FUT8: variants seen among roughly 807,000 people sequenced by gnomAD.
FUT8 encodes alpha-(1,6)-fucosyltransferase.
In FUT8, 29 loss-of-function variants were observed where a neutral mutation model predicts 71.3. The ratio of observed to expected loss-of-function variants is 0.41; its 90% CI spans 0.30 to 0.55. The LOEUF is 0.55. Among genes scored for constraint, FUT8 ranks in the 20% least tolerant of loss-of-function variants. The pLI is 0.34. For missense variants in FUT8, 544 were observed against 702.1 expected (o/e 0.77, Z 2.55); for synonymous variants, 254 against 239.3 (o/e 1.06, Z -0.57).
At chr14:65,613,156 A>G (rs970918903) in intron 3 of FUT8, among the ~76,000 whole-genome samples, 3 of 152,156 alleles carry the variant, frequency 2.0e-5, no homozygotes, top group Non-Finnish European at 4.4e-5. Context: ...TGAAAAGATC[A>G]CATGCTATTT....
At chr14:65,710,630 T>A (rs1224403810) in intron 7 of FUT8, among the ~76,000 whole-genome samples, 1 of 152,124 alleles carries the variant, frequency 6.6e-6, no homozygotes, top group Non-Finnish European at 1.5e-5. Flanking sequence ...TGCAGTCTAG[T>A]CTGGATGAGG....
rs74058557 is a variant in FUT8, at chr14:65,678,481, C to G, written c.835+9001C>G. On this transcript the variant is annotated intron_variant, in intron 7 of 10. Transcript: ENST00000673929. ...GTTGCCTTCTTAGCTAGAGCCATCG[C>G]TGACCCCAGTCAGAGAGCTCTCCTG... is the stretch of plus-strand genomic sequence containing the variant. Among the ~76,000 whole-genome samples the G allele has an allele frequency of 7.8e-3, 1,188 of 152,332 alleles. 9 individuals are homozygous for G. Among genetic ancestry groups the G allele is most frequent in the African/African-American group, 0.024 (986 of 41,578 alleles).
At chr14:65,729,034 G>GTTTTTTTTTT (rs557668131) in intron 9 of FUT8, among the ~76,000 whole-genome samples, 8 of 103,662 alleles carry the variant, frequency 7.7e-5, no homozygotes, top group East Asian at 2.9e-4. Flanking sequence ...TTGTAAACAT[G>GTTTTTTTTTT]TTTTTTTTTT....
intron 3 of FUT8, among the ~76,000 whole-genome samples, chr14:65,611,867 G>A (rs561453163): frequency 2.0e-5 from 3 of 152,120 alleles, no homozygotes; most frequent in East Asian, 3.9e-4. Context: ...CACCATGTTG[G>A]CCAGGCTGGT....
At position 65,451,998 on chromosome 14, in the gene FUT8, C is replaced by T. The variant is rs528459521; in HGVS notation, c.-325-3623C>T. On this transcript the variant is annotated intron_variant, in intron 1 of 10. Transcript: ENST00000673929. The stretch of plus-strand genomic sequence containing the variant: ...TTTTTGGCTTGAGGGTGAGGTTATG[C>T]TGGGGACCCACCATTTTCTGCCTAG... Among the ~76,000 whole-genome samples, 3 of 152,270 alleles carry T rather than the reference C, an allele frequency of 2.0e-5. No individual in the cohort carries two copies. The South Asian group carries it at 6.2e-4, about 32-fold the overall frequency.
chr14:65,516,569 A>G (rs1882720829), intron 2 of FUT8, among the ~76,000 whole-genome samples: 1 of 152,176 alleles, frequency 6.6e-6, no homozygotes, highest in Admixed American at 6.5e-5. Context: ...TCAGGAAACC[A>G]GATACTTAAA....
intron 7 of FUT8, among the ~76,000 whole-genome samples, chr14:65,688,335 A>G (rs1376580215): frequency 1.3e-5 from 2 of 152,014 alleles, no homozygotes; most frequent in East Asian, 3.8e-4. Context: ...TATAGTTGGA[A>G]TCATACATTA....
intron 1 of FUT8, among the ~76,000 whole-genome samples, chr14:65,414,786 G>A (rs1214856165): frequency 1.3e-5 from 2 of 152,148 alleles, no homozygotes; most frequent in Non-Finnish European, 2.9e-5. Flanking sequence ...AATGAAACTT[G>A]CATAGATTGC....
chr14:65,495,592 T>C (rs1254683235), intron 2 of FUT8, among the ~76,000 whole-genome samples: 1 of 152,180 alleles, frequency 6.6e-6, no homozygotes, highest in Non-Finnish European at 1.5e-5. Context: ...ATCTTAGCTA[T>C]TTGTAGGGTT....
the FUT8 span, among the ~76,000 whole-genome samples, chr14:65,367,146 C>T: frequency 3.3e-5 from 5 of 152,268 alleles, no homozygotes; most frequent in South Asian, 1.0e-3. Flanking sequence ...AGACTCGTTT[C>T]TACATTACAG....
intron 1 of FUT8, among the ~76,000 whole-genome samples, chr14:65,453,432 G>A (rs1205933122): frequency 6.6e-6 from 1 of 152,082 alleles, no homozygotes; most frequent in Non-Finnish European, 1.5e-5. Context: ...CACTACTGAG[G>A]CAAAACCCTT....
chr14:65,373,715 T>C, the FUT8 span, among the ~76,000 whole-genome samples: 1 of 152,184 alleles, frequency 6.6e-6, no homozygotes, highest in African/African-American at 2.4e-5. Flanking sequence ...GGGATCCCAA[T>C]TTTTCATAGG....
chr14:65,731,675 A>T (rs1204849927), intron 9 of FUT8, among the ~76,000 whole-genome samples: 1 of 152,112 alleles, frequency 6.6e-6, no homozygotes, highest in Non-Finnish European at 1.5e-5. Flanking sequence ...TTTTTAAAAA[A>T]ATAATGGTAG....
intron 2 of FUT8, among the ~76,000 whole-genome samples, chr14:65,551,853 C>T (rs866721950): frequency 2.6e-5 from 4 of 152,078 alleles, no homozygotes; most frequent in African/African-American, 7.2e-5. Context: ...ATAGAGACTT[C>T]GTTCTACTTC....
rs527596448 is a variant in FUT8, at chr14:65,583,020, T to A, written c.203+21254T>A. Among the ~76,000 whole-genome samples, 5 of 152,306 alleles carry A rather than the reference T, an allele frequency of 3.3e-5. No individual in the cohort carries two copies. The East Asian group carries it at 9.6e-4, about 29-fold the overall frequency. On this transcript the variant is annotated intron_variant, in intron 3 of 10. Coordinates refer to ENST00000673929, the MANE Select transcript of FUT8 (RefSeq NM_001371533.1). ...TTGGAATTAAGGGCTGTATTTTATATAAATCATAAACATTTTCTTCTGTAG... is the reference window on the plus strand; with the variant it reads ...TTGGAATTAAGGGCTGTATTTTATAAAAATCATAAACATTTTCTTCTGTAG...
chr14:65,574,465 GATA>G lies in FUT8; in HGVS notation c.203+12704_203+12706del, dbSNP rs1183755727. On this transcript the variant is annotated intron_variant, in intron 3 of 10. Transcript: ENST00000673929. This position sits in a 1 kb window ranked among gnomAD's most constrained non-coding sequence, Gnocchi z 5.2. The stretch of plus-strand genomic sequence containing the variant: ...GTTTTTAACATGTTTTATTGTGCTC[GATA>G]ATAACATCAAAGTTTTCATTGTGTA... Among the ~76,000 whole-genome samples the G allele has an allele frequency of 4.6e-5, 7 of 152,046 alleles. No individual in the cohort carries two copies. Among genetic ancestry groups the G allele is most frequent in the Admixed American group, 1.3e-4 (2 of 15,256 alleles).
chr14:65,603,329 G>C lies in FUT8; in HGVS notation c.204-12649G>C, dbSNP rs1888405087. On this transcript the variant is annotated intron_variant, in intron 3 of 10. Coordinates refer to ENST00000673929, the MANE Select transcript of FUT8 (RefSeq NM_001371533.1). The surrounding 1 kb of genome is among the most constrained non-coding windows in gnomAD (Gnocchi z 4.5). Reference sequence around the variant, plus strand: ...CTGGGTTCTCTATTCTGTTCAGTTGGTCTTTGTGGCTATTTTTATACCACT... The same window carrying C: ...CTGGGTTCTCTATTCTGTTCAGTTGCTCTTTGTGGCTATTTTTATACCACT... 6.6e-6 allele frequency among the ~76,000 whole-genome samples: 1 copy of C among 151,656 alleles called. No homozygotes were observed. Among genetic ancestry groups the C allele is most frequent in the Non-Finnish European group, 1.5e-5 (1 of 67,862 alleles).
intron 2 of FUT8, among the ~76,000 whole-genome samples, chr14:65,492,954 A>C (rs1594695539): frequency 1.3e-5 from 2 of 149,318 alleles, no homozygotes; most frequent in Non-Finnish European, 1.5e-5. Context: ...TTATCTCCCC[A>C]CTCCCTCTCT....
At chr14:65,478,955 C>G (rs1345159152) in intron 2 of FUT8, among the ~76,000 whole-genome samples, 1 of 152,152 alleles carries the variant, frequency 6.6e-6, no homozygotes, top group African/African-American at 2.4e-5. Flanking sequence ...ATGAATATAA[C>G]AGTGAAAATT....
Sources: allele counts gnomAD v4.1 joint callset (sites outside exome capture counted in the v4.1 genomes callset), GRCh38; gene constraint gnomAD v4.1.1; non-coding constraint Gnocchi (gnomAD v3.1); transcripts MANE v1.5; gene names NCBI Gene and HGNC (gene_info 2026-07-23, HGNC 2026-07-21).